Variants in AGBL1 observed in about 807,000 individuals in gnomAD.
The protein encoded by AGBL1 is AGBL carboxypeptidase 1.
AGBL1 carries 130 observed loss-of-function variants against 118.9 expected under a neutral mutation model. The ratio of observed to expected loss-of-function variants is 1.09; its 90% CI spans 0.95 to 1.26. The LOEUF (loss-of-function observed/expected upper bound fraction) is 1.26. Ranked by LOEUF, AGBL1 falls within the 50% of genes most tolerant of loss-of-function variation. The probability of loss-of-function intolerance (pLI) is 0.00; values close to 1 mark genes in which losing one functional copy is unlikely to be tolerated. For synonymous variants in AGBL1, 555 were observed against 478.9 expected (o/e 1.16, Z -2.08); for missense variants, 1,584 against 1,298.1 (o/e 1.22, Z -3.38).
intron 4 of AGBL1, among the ~76,000 whole-genome samples, chr15:86,156,222 T>G (rs1284909269): frequency 6.6e-6 from 1 of 152,164 alleles, no homozygotes; most frequent in Non-Finnish European, 1.5e-5. Flanking sequence ...TGCCCTTTTT[T>G]TCTCACATTT....
chr15:86,377,102 A>G (rs2081051678), intron 17 of AGBL1, among the ~76,000 whole-genome samples: 2 of 152,326 alleles, frequency 1.3e-5, no homozygotes, highest in South Asian at 4.1e-4. Context: ...CTAATGGTGC[A>G]GAACCACCAC....
At chr15:86,278,966 G>A (rs1221791722) in intron 15 of AGBL1, among the ~76,000 whole-genome samples, 2 of 152,140 alleles carry the variant, frequency 1.3e-5, no homozygotes, top group Non-Finnish European at 2.9e-5. Flanking sequence ...TATTCCTTTG[G>A]GAAGAAAGTA....
At chr15:86,181,586 A>G (rs1002866818) in intron 5 of AGBL1, among the ~76,000 whole-genome samples, 11 of 152,050 alleles carry the variant, frequency 7.2e-5, no homozygotes, top group Admixed American at 6.6e-5. Flanking sequence ...ATTGATATTC[A>G]TTATCTAGAT....
chr15:86,480,220 T>G (rs1248936556), intron 18 of AGBL1, among the ~76,000 whole-genome samples: 1 of 152,180 alleles, frequency 6.6e-6, no homozygotes, highest in East Asian at 1.9e-4. Flanking sequence ...GGACTTAAAG[T>G]ATAATAATAA....
At chr15:86,342,731 T>A (rs2080480005) in intron 17 of AGBL1, among the ~76,000 whole-genome samples, 1 of 152,228 alleles carries the variant, frequency 6.6e-6, no homozygotes, top group African/African-American at 2.4e-5. Context: ...CTCCTCTGTA[T>A]GTTTGTTATG....
intron 22 of AGBL1, among the ~76,000 whole-genome samples, chr15:86,685,444 A>T (rs916081704): frequency 6.6e-6 from 1 of 152,136 alleles, no homozygotes; most frequent in African/African-American, 2.4e-5. Flanking sequence ...ACTAAATTAG[A>T]GTCAATAAGT....
intron 22 of AGBL1, among the ~76,000 whole-genome samples, chr15:86,777,520 T>A (rs1413208273): frequency 1.3e-5 from 2 of 152,052 alleles, no homozygotes; most frequent in African/African-American, 4.8e-5. Context: ...TCATGAAAGA[T>A]CTTTTTGGAA....
chr15:86,348,917 T>G (rs555837369), intron 17 of AGBL1, among the ~76,000 whole-genome samples: 1 of 151,674 alleles, frequency 6.6e-6, no homozygotes, highest in Non-Finnish European at 1.5e-5. Context: ...GAGGAAGAGG[T>G]CTCTGTAGAT....
intron 23 of AGBL1, among the ~76,000 whole-genome samples, chr15:86,957,529 TA>T (rs1182656809): frequency 5.9e-5 from 9 of 151,880 alleles, no homozygotes; most frequent in African/African-American, 2.2e-4. Context: ...TATCAATATA[TA>T]AAAATTAATC....
At position 86,614,191 on chromosome 15, in the gene AGBL1, A is replaced by G. The variant is rs145230281; in HGVS notation, c.2994+59654A>G. On this transcript the variant is annotated intron_variant, in intron 21 of 22. Transcript: ENST00000614907. ...ATGAATAATATATGCATCGAGCTCT[A>G]TGTATTAAACTGTTATACTCTGCCC... is the stretch of plus-strand genomic sequence containing the variant. Among the ~76,000 whole-genome samples, 194 of 152,286 alleles carry G rather than the reference A, an allele frequency of 1.3e-3. 3 individuals carry two copies. In the East Asian group the frequency reaches 0.015, roughly 12 times the overall value.
rs527316867 is a variant in AGBL1 at position 86,785,375 on chromosome 15, T to G, written c.3158+110939T>G. 8.5e-3 allele frequency among the ~76,000 whole-genome samples: 1,203 copies of G among 142,120 alleles called. 14 individuals are homozygous for G. Among genetic ancestry groups the G allele is most frequent in the Middle Eastern group, 0.018 (5 of 274 alleles). The allele number at this position is 142,120 out of a possible 152,430, so 93.2% of individuals were successfully genotyped here. On this transcript the variant is annotated intron_variant, in intron 22 of 22. Coordinates refer to ENST00000614907, the MANE Select transcript of AGBL1 (RefSeq NM_001386094.1). ...TCTGCGGGTTCTTTTTTTTTTTTTT[T>G]TTTGTTTTTGTTTTTTTGAGATGGA...
intron 22 of AGBL1, among the ~76,000 whole-genome samples, chr15:86,676,814 C>T (rs551506565): frequency 6.6e-6 from 1 of 152,128 alleles, no homozygotes; most frequent in Admixed American, 6.5e-5. Flanking sequence ...TAAAGAACTA[C>T]AAGAATGGCT....
At position 86,350,023 on chromosome 15, in the gene AGBL1, C is replaced by T. The variant is rs149269386; in HGVS notation, c.2375-47343C>T. 1.4e-4 allele frequency among the ~76,000 whole-genome samples: 21 copies of T among 152,236 alleles called. 1 individual carries two copies. Among genetic ancestry groups the T allele is most frequent in the African/African-American group, 4.8e-4 (20 of 41,546 alleles). ...GCAAAACTTTTAATTTTTGACCATG[C>T]AAAAAGTGGAAGAAGCATCTTCTCC... On this transcript the variant is annotated intron_variant, in intron 17 of 22. Transcript: ENST00000614907.
At chr15:87,028,969 C>A in exon 25 of AGBL1, 1 of 961,284 alleles carries the variant, frequency 1.0e-6, no homozygotes, top group Non-Finnish European at 1.6e-6. Context: ...GCTCCATCAT[C>A]CCTGCACTCC....
At chr15:86,302,296 C>T (rs1597705617) in intron 17 of AGBL1, among the ~76,000 whole-genome samples, 1 of 152,038 alleles carries the variant, frequency 6.6e-6, no homozygotes, top group Non-Finnish European at 1.5e-5. Context: ...TTATAATTAT[C>T]TTATGAATTA....
chr15:86,913,249 A>G lies in AGBL1; in HGVS notation c.*5955A>G, dbSNP rs745387456. The G allele has an allele frequency of 6.6e-6, 1 of 152,062 alleles. No homozygotes were observed. The highest frequency in any genetic ancestry group is 1.5e-5 in the Non-Finnish European group (1 of 68,038). 9.4% of individuals were successfully genotyped at this position (152,062 alleles called of 1,614,324 possible). On this transcript the variant is annotated 3_prime_UTR_variant, in exon 23 of 23. Coordinates refer to ENST00000614907, the MANE Select transcript of AGBL1 (RefSeq NM_001386094.1). Reference sequence around the variant, plus strand: ...CACACGGCACAGGGCTTTAAGCATAACAATGAGTGAGGGAAGGTTGATCCT... The same window carrying G: ...CACACGGCACAGGGCTTTAAGCATAGCAATGAGTGAGGGAAGGTTGATCCT...
intron 17 of AGBL1, among the ~76,000 whole-genome samples, chr15:86,317,909 A>C (rs1404903066): frequency 6.6e-6 from 1 of 152,236 alleles, no homozygotes; most frequent in Non-Finnish European, 1.5e-5. Flanking sequence ...TTAAATGGAA[A>C]GGTCCTTGAT....
chr15:86,834,248 AAGAGTTCAGTCCCTAT>A lies in AGBL1; in HGVS notation c.3159-72836_3159-72821del, dbSNP rs372955897. ...TCCCAATAATAGATGCAAGGTAACT[AAGAGTTCAGTCCCTAT>A]AGGGATAAAGTTCTGAGTCACTCCA... On this transcript the variant is annotated intron_variant, in intron 22 of 22. Transcript: ENST00000614907. Among the ~76,000 whole-genome samples, 358 of 152,270 alleles carry A rather than the reference AAGAGTTCAGTCCCTAT, an allele frequency of 2.4e-3. 1 individual carries two copies. The highest frequency in any genetic ancestry group is 8.4e-3 in the African/African-American group (348 of 41,556).
chr15:86,994,982 T>A lies in AGBL1; in HGVS notation c.3323+6894T>A, dbSNP rs940007734. On this transcript the variant is annotated intron_variant, in intron 24 of 24. Coordinates refer to the AGBL1 transcript ENST00000441037. ...ACCAAGCATAGAGCTATGTTGGTGCTGAGCTGACTTTATGTTTTTTTGGCC... is the reference window on the plus strand; with the variant it reads ...ACCAAGCATAGAGCTATGTTGGTGCAGAGCTGACTTTATGTTTTTTTGGCC... Among the ~76,000 whole-genome samples, 5 of 152,214 alleles carry A rather than the reference T, an allele frequency of 3.3e-5. No individual in the cohort carries two copies. The East Asian group carries it at 9.6e-4, about 29-fold the overall frequency.
Sources: allele counts gnomAD v4.1 joint callset (sites outside exome capture counted in the v4.1 genomes callset), GRCh38; gene constraint gnomAD v4.1.1; transcripts MANE v1.5; gene names NCBI Gene and HGNC (gene_info 2026-07-23, HGNC 2026-07-21).